The following MYLK variants were observed in gnomAD, a reference collection of about 807,000 sequenced individuals.
MYLK encodes myosin light chain kinase, smooth muscle.
Under a neutral mutation model 203.4 loss-of-function variants are expected in MYLK, and 106 were observed. The ratio of observed to expected loss-of-function variants is 0.52; its 90% CI spans 0.45 to 0.61. The LOEUF is 0.61. MYLK is among the 20% of genes least tolerant of loss of function. MYLK has a pLI of 0.00. For missense variants in MYLK, 2,072 were observed against 2,442.3 expected (o/e 0.85, Z 3.20); for synonymous variants, 867 against 959.5 (o/e 0.90, Z 1.78).
At chr3:123,687,325 T>C (rs1576554656) in intron 19 of MYLK, among the ~76,000 whole-genome samples, 1 of 152,156 alleles carries the variant, frequency 6.6e-6, no homozygotes, top group African/African-American at 2.4e-5. Flanking sequence ...TCAGCAATAA[T>C]CAGAAGTGCC....
At chr3:123,680,793 C>T (rs10934649) in intron 20 of MYLK, among the ~76,000 whole-genome samples, 40,307 of 152,102 alleles carry the variant, frequency 0.27, 6,885 homozygotes, top group East Asian at 0.74. Flanking sequence ...ATTATTTTCC[C>T]CTATCAGTAC....
At chr3:123,691,267 C>G (rs559305984) in intron 19 of MYLK, 1 of 152,194 alleles carries the variant, frequency 6.6e-6, no homozygotes, top group East Asian at 1.9e-4. Flanking sequence ...GGACTGTGAT[C>G]TGGGTGGGTG....
chr3:123,879,983 C>T (rs1264566197), intron 1 of MYLK, among the ~76,000 whole-genome samples: 1 of 152,184 alleles, frequency 6.6e-6, no homozygotes, highest in African/African-American at 2.4e-5. Context: ...TAAGCCTCTA[C>T]AGAGCTCAAT....
intron 4 of MYLK, among the ~76,000 whole-genome samples, chr3:123,778,260 T>C (rs73857516): frequency 0.02 from 3,080 of 152,202 alleles, 109 homozygotes; most frequent in African/African-American, 0.071. Flanking sequence ...ATAACTGTGG[T>C]ATTAAATTTG....
At chr3:123,853,047 C>A (rs972694693) in intron 2 of MYLK, among the ~76,000 whole-genome samples, 15 of 151,940 alleles carry the variant, frequency 9.9e-5, no homozygotes, top group Non-Finnish European at 2.1e-4. Flanking sequence ...GCCTAGCACA[C>A]CTTATCTTGT....
intron 29 of MYLK, 85 bp downstream of exon 29, chr3:123,637,986 C>G (rs372108297): frequency 6.3e-7 from 1 of 1,592,924 alleles, no homozygotes; most frequent in Non-Finnish European, 8.6e-7. Flanking sequence ...GCAGGGCAGC[C>G]TGGGGACCCT....
At chr3:123,658,892 C>G in intron 23 of MYLK, among the ~76,000 whole-genome samples, 1 of 152,142 alleles carries the variant, frequency 6.6e-6, no homozygotes, top group East Asian at 1.9e-4. Flanking sequence ...CATTCCAGCC[C>G]AGAATGCACT....
intron 3 of MYLK, among the ~76,000 whole-genome samples, chr3:123,819,391 T>C (rs2065847326): frequency 6.6e-6 from 1 of 152,202 alleles, no homozygotes; most frequent in African/African-American, 2.4e-5. Flanking sequence ...CTGTGGGGGT[T>C]GGAGCTCAAA....
chr3:123,804,306 AG>A (rs1309491859), intron 3 of MYLK, among the ~76,000 whole-genome samples: 3 of 152,134 alleles, frequency 2.0e-5, no homozygotes, highest in African/African-American at 7.2e-5. Context: ...CCATGGCAGT[AG>A]GGTGTGCTAT....
intron 19 of MYLK, among the ~76,000 whole-genome samples, chr3:123,682,754 C>A (rs1226022747): frequency 6.6e-6 from 1 of 152,170 alleles, no homozygotes; most frequent in Admixed American, 6.5e-5. Context: ...CTAGAGGTGG[C>A]GCACAGCTTC....
At chr3:123,621,467 C>T (rs982645792) in intron 31 of MYLK, 2 of 152,198 alleles carry the variant, frequency 1.3e-5, no homozygotes, top group Non-Finnish European at 2.9e-5. Context: ...GCCGGCAAAG[C>T]CATTTTCCTC....
chr3:123,861,848 G>A (rs1274243037), intron 2 of MYLK, among the ~76,000 whole-genome samples: 1 of 152,170 alleles, frequency 6.6e-6, no homozygotes, highest in African/African-American at 2.4e-5. Context: ...TAGAAGTGGG[G>A]CTAGATCAGG....
chr3:123,726,488 A>T (rs2062291195), intron 11 of MYLK, among the ~76,000 whole-genome samples: 1 of 152,140 alleles, frequency 6.6e-6, no homozygotes, highest in African/African-American at 2.4e-5. Context: ...ATCAGTGATT[A>T]CACAATCTTG....
chr3:123,880,609 G>C (rs918743209), intron 1 of MYLK, among the ~76,000 whole-genome samples: 3 of 148,132 alleles, frequency 2.0e-5, no homozygotes, highest in Non-Finnish European at 3.0e-5. Context: ...GGTGGAAGGG[G>C]GGCAAGGAAG....
intron 26 of MYLK, among the ~76,000 whole-genome samples, chr3:123,647,749 G>A (rs1276164015): frequency 6.6e-6 from 1 of 150,926 alleles, no homozygotes; most frequent in East Asian, 1.9e-4. Flanking sequence ...ATGGGGTCTC[G>A]CTATGTTGCC....
chr3:123,742,286 T>C (rs1294656448), intron 5 of MYLK, among the ~76,000 whole-genome samples: 1 of 152,218 alleles, frequency 6.6e-6, no homozygotes, highest in South Asian at 2.1e-4. Context: ...ATTGTAGGTA[T>C]TTAAATATTT....
intron 27 of MYLK, among the ~76,000 whole-genome samples, chr3:123,645,849 A>G (rs188185035): frequency 6.6e-6 from 1 of 152,352 alleles, no homozygotes; most frequent in Admixed American, 6.5e-5. Context: ...CAATTTGCTG[A>G]AAAAGCAAAG....
chr3:123,871,604 G>A (rs775661651), intron 2 of MYLK, among the ~76,000 whole-genome samples: 2 of 151,910 alleles, frequency 1.3e-5, no homozygotes, highest in Non-Finnish European at 1.5e-5. Context: ...ACAAACTACC[G>A]AAAATCACTC....
At chr3:123,767,298 C>T (rs2063736912) in intron 4 of MYLK, among the ~76,000 whole-genome samples, 1 of 152,212 alleles carries the variant, frequency 6.6e-6, no homozygotes, top group African/African-American at 2.4e-5. Flanking sequence ...GCAACTCATT[C>T]TTCGTCTGTT....
Sources: gnomAD v4.1 joint callset for allele counts (sites outside exome capture counted in the v4.1 genomes callset) on GRCh38, gnomAD v4.1.1 for gene constraint, MANE v1.5 for transcripts, NCBI Gene and HGNC (gene_info 2026-07-23, HGNC 2026-07-21) for gene names.